Variants in TULP4 observed in about 807,000 individuals in gnomAD.
TULP4 encodes the protein TUB like protein 4.
A neutral mutation model predicts 129.0 loss-of-function variants in TULP4; 16 were observed. The observed-to-expected ratio is 0.12, with a 90% confidence interval of 0.08 to 0.19. The LOEUF is 0.19. Among genes scored for constraint, TULP4 ranks in the 10% least tolerant of loss-of-function variants. TULP4 has a pLI of 1.00. For missense variants in TULP4, 1,842 were observed against 2,059.1 expected, an observed-to-expected ratio of 0.89 and a Z score of 2.04; for synonymous variants, 998 against 854.0, an observed-to-expected ratio of 1.17 and a Z score of -2.94.
chr6:158,432,111 TAA>T (rs1205023265), intron 3 of TULP4, among the ~76,000 whole-genome samples: 162 of 107,162 alleles, frequency 1.5e-3, no homozygotes, highest in African/African-American at 4.4e-3. Flanking sequence ...AAAAAAAAAT[TAA>T]AAAAAAAAAA....
At chr6:158,354,300 A>G (rs705953) in intron 1 of TULP4, among the ~76,000 whole-genome samples, 104,522 of 151,996 alleles carry the variant, frequency 0.69, 36,184 homozygotes, top group East Asian at 0.89. Flanking sequence ...TATGTGTTTT[A>G]TGTTTTTTTA....
At chr6:158,238,212 T>C in intron 1 of TULP4, 1 of 850,276 alleles carries the variant, frequency 1.2e-6, no homozygotes, top group Admixed American at 1.7e-5. Context: ...GTCAGCTTAA[T>C]TTCAATTGCA....
chr6:158,381,656 G>T (rs1010187575), intron 1 of TULP4, among the ~76,000 whole-genome samples: 2 of 152,288 alleles, frequency 1.3e-5, no homozygotes, highest in South Asian at 2.1e-4. Context: ...GAGTGTGGAG[G>T]AGAAATGACT....
At chr6:158,461,418 A>AT in intron 5 of TULP4, 145 bp from the exon 6 acceptor site, 1 of 860,186 alleles carries the variant, frequency 1.2e-6, no homozygotes, top group South Asian at 2.1e-5. Flanking sequence ...TCTCAAAAAA[A>AT]AAAAAAAAGG....
intron 1 of TULP4, among the ~76,000 whole-genome samples, chr6:158,301,932 ATC>A (rs948453003): frequency 3.3e-5 from 5 of 152,244 alleles, no homozygotes; most frequent in African/African-American, 1.2e-4. Flanking sequence ...TTTTCAAAGA[ATC>A]TCTCCTAATC....
intron 6 of TULP4, among the ~76,000 whole-genome samples, chr6:158,473,811 C>A (rs552164097): frequency 6.6e-6 from 1 of 152,240 alleles, no homozygotes; most frequent in African/African-American, 2.4e-5. Context: ...TGAGCCATAA[C>A]ATGCCTGGCC....
intron 3 of TULP4, among the ~76,000 whole-genome samples, chr6:158,443,780 C>A (rs1424551717): frequency 6.6e-6 from 1 of 151,048 alleles, no homozygotes; most frequent in Non-Finnish European, 1.5e-5. Flanking sequence ...AAAAAAAAAA[C>A]AGGAAATATT....
At position 158,342,830 on chromosome 6, in the gene TULP4, G is replaced by A. The variant is rs142555735; in HGVS notation, c.252+28562G>A. Among the ~76,000 whole-genome samples the A allele has an allele frequency of 3.9e-3, 587 of 152,258 alleles. 4 individuals are homozygous for A. The highest frequency in any genetic ancestry group is 0.013 in the African/African-American group (547 of 41,544). On this transcript the variant is annotated intron_variant, in intron 1 of 13. Coordinates refer to ENST00000367097, the MANE Select transcript of TULP4 (RefSeq NM_020245.5). ...ATAGGGCTGTTGTGAGGATTAAGTC[G>A]AATAATGTATATTTATTTCATATAT...
chr6:158,395,668 C>CGGGGGGGGG (rs3085239), intron 1 of TULP4, among the ~76,000 whole-genome samples: 1 of 83,060 alleles, frequency 1.2e-5, no homozygotes, highest in Non-Finnish European at 2.4e-5. Context: ...AAGTGATGGG[C>CGGGGGGGGG]GGGGGGGGGG....
chr6:158,444,015 T>G (rs9457376), intron 3 of TULP4, among the ~76,000 whole-genome samples: 36 of 151,754 alleles, frequency 2.4e-4, no homozygotes, highest in East Asian at 7.8e-4. Context: ...GTCAGGAGAT[T>G]GAGACCATCC....
chr6:158,481,591 G>GT (rs1779946847), intron 8 of TULP4: 1 of 447,750 alleles, frequency 2.2e-6, no homozygotes, highest in African/African-American at 2.0e-5. Flanking sequence ...CCTCTTCACA[G>GT]TTACCGAGTA....
intron 1 of TULP4, among the ~76,000 whole-genome samples, chr6:158,291,415 T>G (rs1175806205): frequency 6.6e-6 from 1 of 152,226 alleles, no homozygotes; most frequent in Non-Finnish European, 1.5e-5. Flanking sequence ...GTCATCTAAT[T>G]GTCATTCTTT....
intron 8 of TULP4, among the ~76,000 whole-genome samples, chr6:158,484,658 C>T (rs577685890): frequency 1.4e-4 from 22 of 152,268 alleles, no homozygotes; most frequent in African/African-American, 4.8e-4. Flanking sequence ...TCACCACGCA[C>T]GTGCACCAAG....
At chr6:158,466,489 C>T (rs1468046946) in intron 6 of TULP4, among the ~76,000 whole-genome samples, 1 of 152,126 alleles carries the variant, frequency 6.6e-6, no homozygotes, top group African/African-American at 2.4e-5. Context: ...TGTCGTGTAT[C>T]TTCTTTTGAG....
intron 3 of TULP4, among the ~76,000 whole-genome samples, chr6:158,433,614 G>A (rs990360668): frequency 1.3e-5 from 2 of 152,220 alleles, no homozygotes; most frequent in Non-Finnish European, 2.9e-5. Context: ...CGGAGGCTGA[G>A]GCAGGAGAAT....
At chr6:158,302,147 A>G (rs1425222835) in intron 1 of TULP4, among the ~76,000 whole-genome samples, 1 of 152,164 alleles carries the variant, frequency 6.6e-6, no homozygotes, top group East Asian at 1.9e-4. Flanking sequence ...AGGCCTGGGG[A>G]AATTGAGCTC....
chr6:158,493,574 A>T lies in TULP4; in HGVS notation c.1633A>T (p.Ile545Phe). The T allele has an allele frequency of 1.3e-6, 2 of 1,511,320 alleles. No homozygotes were observed. The highest frequency in any genetic ancestry group is 2.6e-5 in the East Asian group (1 of 38,196). 93.6% of individuals were successfully genotyped at this position (1,511,320 alleles called of 1,614,324 possible). A position where few individuals can be genotyped will look rare whatever the true frequency, so the allele number is the denominator to read the frequency against. Residue 545 changes from isoleucine to phenylalanine, a missense_variant and splice_region_variant, in exon 10 of 14, where the codon ATC (isoleucine) becomes TTC (phenylalanine). By Grantham distance (21) the Ile-to-Phe change is conservative. This residue lies in a region of TULP4 where 456 missense variants were observed against 534.3 expected (regional missense o/e 0.85). Transcript: ENST00000367097. This position sits in a 1 kb window ranked among gnomAD's most constrained non-coding sequence, Gnocchi z 4.4. ...RASKSPKLPR[I>F]SIEARKSPKL... ...CCCCTCCTGGCCTTGCCTCCCCAGG[A>T]TCAGCATTGAGGCCCGCAAGTCACC...
rs768494475 is a variant in TULP4, at chr6:158,503,176, C to G, written c.3513C>G (p.Pro1171=). Residue 1171 remains proline, a synonymous_variant, in exon 13 of 14, where the codon CCC becomes CCG. Transcript: ENST00000367097. The surrounding 1 kb of genome is among the most constrained non-coding windows in gnomAD (Gnocchi z 4.3). The part of the protein sequence containing the change: ...LDVSRLPFIS[P]KSPASPTATF... Reference sequence around the variant, plus strand: ...TGTCCCGACTGCCCTTCATCTCCCCCAAGTCTCCTGCCAGCCCCACTGCCA... The same window carrying G: ...TGTCCCGACTGCCCTTCATCTCCCCGAAGTCTCCTGCCAGCCCCACTGCCA... The G allele has an allele frequency of 1.2e-6, 2 of 1,613,760 alleles. No homozygotes were observed. Among genetic ancestry groups the G allele is most frequent in the South Asian group, 1.1e-5 (1 of 91,048 alleles).
At chr6:158,294,845 C>T (rs1430977531) in intron 1 of TULP4, among the ~76,000 whole-genome samples, 4 of 152,182 alleles carry the variant, frequency 2.6e-5, no homozygotes, top group African/African-American at 9.7e-5. Context: ...CATCCTCCTA[C>T]CTCAGTCTCC....
Sources: allele counts gnomAD v4.1 joint callset (sites outside exome capture counted in the v4.1 genomes callset), GRCh38; gene constraint gnomAD v4.1.1; regional missense constraint gnomAD v4.1.1; non-coding constraint Gnocchi (gnomAD v3.1); transcripts MANE v1.5; gene names NCBI Gene and HGNC (gene_info 2026-07-23, HGNC 2026-07-21).